KCNQ4: variants seen among roughly 807,000 people sequenced by gnomAD.
KCNQ4 encodes the protein potassium voltage-gated channel subfamily KQT member 4.
Under a neutral mutation model 72.6 loss-of-function variants are expected in KCNQ4, and 31 were observed. The ratio of observed to expected loss-of-function variants is 0.43; its 90% CI spans 0.32 to 0.58. The LOEUF is 0.58. Ranked by LOEUF, KCNQ4 falls within the 20% of genes least tolerant of loss-of-function variation. KCNQ4 has a pLI of 0.08. For missense variants in KCNQ4, 869 were observed against 962.6 expected (o/e 0.90, Z 1.29); for synonymous variants, 405 against 403.7 (o/e 1.00, Z -0.04).
intron 1 of KCNQ4, among the ~76,000 whole-genome samples, chr1:40,805,569 G>T (rs1419853186): frequency 6.6e-6 from 1 of 152,154 alleles, no homozygotes; most frequent in South Asian, 2.1e-4. Context: ...GGAGCATGAG[G>T]TGGGGGCTCT....
chr1:40,826,622 A>G (rs1400131952), intron 9 of KCNQ4: 1 of 455,192 alleles, frequency 2.2e-6, no homozygotes, highest in Non-Finnish European at 4.4e-6. Flanking sequence ...TTCGTGTCTT[A>G]TTCTCAAACT....
rs1359711459 is a variant in KCNQ4, at chr1:40,838,516, T to C, written c.2081T>C (p.Met694Thr). Reference sequence around the variant, plus strand: ...ATCTCCCGCTCGGTCAGCACCAACATGGACTGAGGGACTTCTCAGAGGCAG... The same window carrying C: ...ATCTCCCGCTCGGTCAGCACCAACACGGACTGAGGGACTTCTCAGAGGCAG... ...LSISRSVSTNMD is the reference protein window; with the variant it reads ...LSISRSVSTNTD The change falls in exon 14 of 14, where the codon ATG (methionine) becomes ACG (threonine). Residue 694 changes from methionine (M) to threonine (T), a missense_variant. Met to Thr is a moderately conservative substitution (Grantham distance 81). This residue lies in a region of KCNQ4 where 480 missense variants were observed against 501.9 expected (regional missense o/e 0.96). Transcript: ENST00000347132. The C allele has an allele frequency of 1.9e-6, 3 of 1,613,960 alleles. No individual in the cohort carries two copies. The highest frequency in any genetic ancestry group is 2.5e-6 in the Non-Finnish European group (3 of 1,179,826).
At chr1:40,837,601 A>G in intron 12 of KCNQ4, 64 bp from the exon 13 acceptor site, 1 of 1,577,720 alleles carries the variant, frequency 6.3e-7, no homozygotes, top group Non-Finnish European at 8.6e-7. Flanking sequence ...CAGGCAACCT[A>G]TAATTCTTGT....
At chr1:40,826,988 G>A (rs894857125) in intron 9 of KCNQ4, among the ~76,000 whole-genome samples, 3 of 152,194 alleles carry the variant, frequency 2.0e-5, no homozygotes, top group East Asian at 1.9e-4. Flanking sequence ...TCAGTTTTCC[G>A]TCTGTGGAAT....
chr1:40,813,192 C>T (rs1374040090), intron 1 of KCNQ4, among the ~76,000 whole-genome samples: 2 of 152,132 alleles, frequency 1.3e-5, no homozygotes, highest in South Asian at 2.1e-4. Context: ...GTTGTCAGTG[C>T]CGAGGAGTTG....
intron 12 of KCNQ4, among the ~76,000 whole-genome samples, chr1:40,837,342 C>T (rs1165047184): frequency 2.0e-5 from 3 of 152,236 alleles, no homozygotes; most frequent in South Asian, 4.1e-4. Flanking sequence ...TACCTCCCTA[C>T]CTAGCCTCCC....
At chr1:40,803,155 C>T (rs1647637447) in intron 1 of KCNQ4, among the ~76,000 whole-genome samples, 1 of 152,162 alleles carries the variant, frequency 6.6e-6, no homozygotes, top group African/African-American at 2.4e-5. Context: ...ATGTAAAAGA[C>T]CCTCTTCTGG....
intron 1 of KCNQ4, among the ~76,000 whole-genome samples, chr1:40,799,708 G>A (rs1369519961): frequency 9.2e-5 from 14 of 152,196 alleles, no homozygotes; most frequent in Admixed American, 2.6e-4. Context: ...GATCAGAAAC[G>A]TGCTCCCAAG....
chr1:40,831,032 C>G, intron 9 of KCNQ4, 52 bp from the exon 10 acceptor site: 1 of 1,495,966 alleles, frequency 6.7e-7, no homozygotes, highest in Non-Finnish European at 9.1e-7. Flanking sequence ...CACTCACCCC[C>G]ACCCCCAGCT....
At position 40,838,646 on chromosome 1, in the gene KCNQ4, C is replaced by G. The variant is rs1570858975; in HGVS notation, c.*123C>G. 2.1e-6 allele frequency: 2 copies of G among 939,310 alleles called. No individual in the cohort carries two copies. Among genetic ancestry groups the G allele is most frequent in the East Asian group, 2.6e-5 (1 of 38,536 alleles). 58.2% of individuals were successfully genotyped at this position (939,310 alleles called of 1,614,324 possible). ...CTCCCTCACGGGGAGAGAGACCACA[C>G]GCAGTATTGAGCTGCCTGAGTGGGC... On this transcript the variant is annotated 3_prime_UTR_variant, in exon 14 of 14. Coordinates refer to ENST00000347132, the MANE Select transcript of KCNQ4 (RefSeq NM_004700.4).
At position 40,831,089 on chromosome 1, in the gene KCNQ4, G is replaced by A. The variant is rs559233008; in HGVS notation, c.1298G>A (p.Arg433Gln). ...CAACCTGCCTGCCCTGCCAGCAGCC[G>A]GATGGGCATCAAAGACCGCATCCGC... The part of the protein sequence containing the change: ...STSFCPGESS[R>Q]MGIKDRIRMG... The change falls in exon 10 of 14, where the codon CGG becomes CAG. Residue 433 changes from arginine (R) to glutamine (Q), a missense_variant. Transcript: ENST00000347132. 6.3e-6 allele frequency: 10 copies of A among 1,588,382 alleles called. No homozygotes were observed. The highest frequency in any genetic ancestry group is 3.5e-5 in the Admixed American group (2 of 56,780).
rs927561942 is a variant in KCNQ4, at chr1:40,815,309, C to T, written c.315-1956C>T. Among the ~76,000 whole-genome samples, 6 of 151,814 alleles carry T rather than the reference C, an allele frequency of 4.0e-5. No homozygotes were observed. In the South Asian group the frequency reaches 1.0e-3, roughly 26 times the overall value. On this transcript the variant is annotated intron_variant, in intron 1 of 13. Transcript: ENST00000347132. ...ATTCAAGAAGAAGTCCCCAGAGTGG[C>T]CCACTGCTGCCTGAGCTTCTGAGGT...
intron 11 of KCNQ4, among the ~76,000 whole-genome samples, chr1:40,833,925 C>T (rs918752797): frequency 9.9e-5 from 15 of 151,806 alleles, no homozygotes; most frequent in African/African-American, 3.4e-4. Context: ...GGAAGGATGG[C>T]TTGAGTGCAG....
chr1:40,792,944 C>T (rs895027701), intron 1 of KCNQ4, among the ~76,000 whole-genome samples: 3 of 151,754 alleles, frequency 2.0e-5, no homozygotes, highest in Non-Finnish European at 4.4e-5. Context: ...TTGGCCACTC[C>T]ACCATGCTGC....
intron 1 of KCNQ4, among the ~76,000 whole-genome samples, chr1:40,805,458 G>C (rs1437466633): frequency 6.6e-6 from 1 of 152,056 alleles, no homozygotes; most frequent in Non-Finnish European, 1.5e-5. Flanking sequence ...ATTCCACTCT[G>C]GGATCACTCC....
intron 1 of KCNQ4, among the ~76,000 whole-genome samples, chr1:40,799,603 A>G (rs1238195857): frequency 2.0e-5 from 3 of 152,186 alleles, no homozygotes; most frequent in Non-Finnish European, 4.4e-5. Context: ...CGGTCATGGC[A>G]GGAGGCCCTG....
intron 12 of KCNQ4, among the ~76,000 whole-genome samples, chr1:40,836,284 A>G (rs1322016291): frequency 6.6e-6 from 1 of 152,176 alleles, no homozygotes; most frequent in Admixed American, 6.5e-5. Context: ...GAAAGAAGAG[A>G]GTCAAGGATG....
Position 40,818,207 on chromosome 1 carries a change from G to A in KCNQ4, c.449G>A (p.Arg150Gln). The change falls in exon 3 of 14, where the codon CGG (arginine) becomes CAG (glutamine). Residue 150 changes from arginine to glutamine, a missense_variant. Coordinates refer to ENST00000347132, the MANE Select transcript of KCNQ4 (RefSeq NM_004700.4). ...GTTTTCGGCTTGGAGTACATCGTCCGGGTCTGGTCCGCCGGATGCTGCTGC... is the reference window on the plus strand; with the variant it reads ...GTTTTCGGCTTGGAGTACATCGTCCAGGTCTGGTCCGCCGGATGCTGCTGC... Reference protein sequence around the residue: ...IVVFGLEYIVRVWSAGCCCRY... With the variant: ...IVVFGLEYIVQVWSAGCCCRY... The A allele has an allele frequency of 6.2e-7, 1 of 1,613,964 alleles. No individual in the cohort carries two copies. Among genetic ancestry groups the A allele is most frequent in the Non-Finnish European group, 8.5e-7 (1 of 1,180,024 alleles).
At position 40,824,142 on chromosome 1, in the gene KCNQ4, G is replaced by T. The variant is rs748027659; in HGVS notation, c.1176G>T (p.Gly392=). ...LFEHVQRARN[G]GLRPLEVRRA... is the part of the protein sequence containing the mutation. ...AGCACGTGCAACGGGCCCGCAATGG[G>T]GGCCTACGGCCCCTGGAGGTGCGGC... Residue 392 remains glycine (G), a synonymous_variant, in exon 9 of 14, where the codon GGG becomes GGT. Transcript: ENST00000347132. 6.4e-7 allele frequency: 1 copy of T among 1,565,416 alleles called. No individual in the cohort carries two copies. The highest frequency in any genetic ancestry group is 1.9e-5 in the Admixed American group (1 of 53,256).
Sources: allele counts gnomAD v4.1 joint callset (sites outside exome capture counted in the v4.1 genomes callset), GRCh38; gene constraint gnomAD v4.1.1; regional missense constraint gnomAD v4.1.1; transcripts MANE v1.5; gene names NCBI Gene and HGNC (gene_info 2026-07-23, HGNC 2026-07-21).